The following SMYD3 variants were observed in gnomAD, a reference collection of about 807,000 sequenced individuals.
SMYD3 encodes the protein SET and MYND domain containing 3.
In SMYD3, 36 loss-of-function variants were observed where a neutral mutation model predicts 57.7. That is an observed-to-expected ratio of 0.62 (90% confidence interval 0.48 to 0.82). The LOEUF is 0.82. Ranked by LOEUF, SMYD3 falls within the 40% of genes least tolerant of loss-of-function variation. The pLI is 0.00. For synonymous variants in SMYD3, 211 were observed against 195.0 expected (o/e 1.08, Z -0.68); for missense variants, 515 against 538.8 (o/e 0.96, Z 0.44).
intron 1 of SMYD3, among the ~76,000 whole-genome samples, chr1:246,459,526 C>T (rs1572519158): frequency 2.0e-5 from 3 of 152,192 alleles, no homozygotes; most frequent in East Asian, 3.9e-4. Flanking sequence ...GCACGTCCCC[C>T]TTCACTCTCT....
chr1:246,397,789 G>C (rs1206854144), intron 1 of SMYD3, among the ~76,000 whole-genome samples: 3 of 152,062 alleles, frequency 2.0e-5, no homozygotes, highest in Non-Finnish European at 4.4e-5. Context: ...GGATAATTCA[G>C]CAGGCAGGGG....
chr1:246,414,055 G>T (rs1359162016), intron 1 of SMYD3, among the ~76,000 whole-genome samples: 1 of 152,198 alleles, frequency 6.6e-6, no homozygotes, highest in Non-Finnish European at 1.5e-5. Flanking sequence ...GGAAAGAGGG[G>T]TGGTATATAA....
Position 246,268,121 on chromosome 1 carries a change from G to A in SMYD3, c.531+59080C>T, listed in dbSNP as rs2064146564. Among the ~76,000 whole-genome samples, 5 of 152,264 alleles carry A rather than the reference G, an allele frequency of 3.3e-5. No individual in the cohort carries two copies. The South Asian group carries it at 1.0e-3, about 32-fold the overall frequency. ...GGGTAAAATGAAGCTGAGGCCTACTGGGCTGCATTCCCAGACAATTAACGC... is the reference window on the plus strand; with the variant it reads ...GGGTAAAATGAAGCTGAGGCCTACTAGGCTGCATTCCCAGACAATTAACGC... On this transcript the variant is annotated intron_variant, in intron 5 of 11. Transcript: ENST00000490107.
intron 5 of SMYD3, among the ~76,000 whole-genome samples, chr1:246,141,101 T>C (rs2061747630): frequency 6.6e-6 from 1 of 152,208 alleles, no homozygotes; most frequent in African/African-American, 2.4e-5. Context: ...TTCTTGAAGC[T>C]GGTGACTCTG....
At chr1:245,824,856 C>A (rs1179562533) in intron 10 of SMYD3, among the ~76,000 whole-genome samples, 346 of 118,942 alleles carry the variant, frequency 2.9e-3, no homozygotes, top group Non-Finnish European at 3.4e-3. Context: ...AACTCCGTCT[C>A]AAAAAAAAAA....
At chr1:246,080,159 G>A (rs2060614001) in intron 5 of SMYD3, among the ~76,000 whole-genome samples, 1 of 152,018 alleles carries the variant, frequency 6.6e-6, no homozygotes, top group Admixed American at 6.6e-5. Context: ...TCCTAGGGCA[G>A]GGGTCCCCAG....
chr1:246,075,650 G>A (rs2147810289), intron 5 of SMYD3, among the ~76,000 whole-genome samples: 1 of 152,266 alleles, frequency 6.6e-6, no homozygotes, highest in East Asian at 1.9e-4. Context: ...TAGATGGAAG[G>A]CTGAAATTTC....
chr1:246,093,270 G>A (rs1328892365), intron 5 of SMYD3, among the ~76,000 whole-genome samples: 2 of 152,180 alleles, frequency 1.3e-5, no homozygotes, highest in Admixed American at 6.5e-5. Flanking sequence ...AGGTGGGTAT[G>A]TATCCAAAAG....
chr1:245,941,335 T>C (rs2057236269), intron 5 of SMYD3, among the ~76,000 whole-genome samples: 1 of 151,926 alleles, frequency 6.6e-6, no homozygotes, highest in African/African-American at 2.4e-5. Context: ...AGATACTCCA[T>C]GAGAAGATCA....
chr1:246,249,741 T>A (rs1165645134), intron 5 of SMYD3, among the ~76,000 whole-genome samples: 5 of 152,328 alleles, frequency 3.3e-5, no homozygotes, highest in African/African-American at 1.2e-4. Context: ...CTTTTTCTTA[T>A]CAACTAATAA....
chr1:245,934,005 AAT>A (rs985030246), intron 5 of SMYD3, among the ~76,000 whole-genome samples: 30 of 151,922 alleles, frequency 2.0e-4, no homozygotes, highest in African/African-American at 7.0e-4. Context: ...TCAATTTCCC[AAT>A]ATATATACAA....
In SMYD3 at chr1:245,806,729, T is replaced by C. The variant is rs531411168; in HGVS notation, c.1077-42580A>G. On this transcript the variant is annotated intron_variant, in intron 10 of 11. Coordinates refer to ENST00000490107, the MANE Select transcript of SMYD3 (RefSeq NM_001167740.2). ...ATGGAGACCATCCTGGCTAACAAGG[T>C]GAAACCCCGTCTCTACTAAAAATAC... Among the ~76,000 whole-genome samples the C allele has an allele frequency of 2.7e-3, 400 of 150,308 alleles. 1 individual carries two copies. Among genetic ancestry groups the C allele is most frequent in the Non-Finnish European group, 4.6e-3 (310 of 67,658 alleles).
intron 8 of SMYD3, among the ~76,000 whole-genome samples, chr1:245,911,193 A>C (rs2054949016): frequency 6.6e-6 from 1 of 152,152 alleles, no homozygotes; most frequent in Admixed American, 6.5e-5. Context: ...TAAAATGGCT[A>C]CTATAAAAAA....
intron 5 of SMYD3, among the ~76,000 whole-genome samples, chr1:246,192,478 A>T (rs930856071): frequency 5.9e-5 from 9 of 151,834 alleles, no homozygotes; most frequent in African/African-American, 1.9e-4. Context: ...CTGGTGTCGA[A>T]CTCCTGGGCC....
At chr1:246,269,891 G>A (rs1352363099) in intron 5 of SMYD3, among the ~76,000 whole-genome samples, 2 of 152,132 alleles carry the variant, frequency 1.3e-5, no homozygotes, top group African/African-American at 4.8e-5. Context: ...TTATTCCTGA[G>A]TGACTTTGTA....
intron 5 of SMYD3, among the ~76,000 whole-genome samples, chr1:246,268,091 G>C (rs4654228): frequency 6.6e-6 from 1 of 152,054 alleles, no homozygotes; most frequent in Admixed American, 6.5e-5. Flanking sequence ...TCTTGAACAG[G>C]AGCTGGGTAA....
chr1:245,966,101 A>G (rs1316958360), intron 5 of SMYD3, among the ~76,000 whole-genome samples: 2 of 152,112 alleles, frequency 1.3e-5, no homozygotes, highest in Non-Finnish European at 1.5e-5. Flanking sequence ...GCCTTGATAA[A>G]CATTTACCTT....
At chr1:245,854,976 G>T (rs1489854527) in intron 10 of SMYD3, among the ~76,000 whole-genome samples, 1 of 152,116 alleles carries the variant, frequency 6.6e-6, no homozygotes, top group Non-Finnish European at 1.5e-5. Flanking sequence ...GGTCTATCTG[G>T]CTCTGGAATA....
At chr1:245,763,583 A>C (rs2045947718) in intron 11 of SMYD3, among the ~76,000 whole-genome samples, 1 of 152,098 alleles carries the variant, frequency 6.6e-6, no homozygotes, top group East Asian at 1.9e-4. Flanking sequence ...GTGGGTGGAA[A>C]GGAAGAGAGG....
Sources: gnomAD v4.1 joint callset for allele counts (sites outside exome capture counted in the v4.1 genomes callset) on GRCh38, gnomAD v4.1.1 for gene constraint, MANE v1.5 for transcripts, NCBI Gene and HGNC (gene_info 2026-07-23, HGNC 2026-07-21) for gene names.